SPTBN1: variants seen among roughly 807,000 people sequenced by gnomAD.
The protein encoded by SPTBN1 is spectrin beta, non-erythrocytic 1.
SPTBN1 carries 32 observed loss-of-function variants against 266.4 expected under a neutral mutation model. The ratio of observed to expected loss-of-function variants is 0.12; its 90% CI spans 0.09 to 0.16. SPTBN1 has a LOEUF of 0.16. Among genes scored for constraint, SPTBN1 ranks in the 10% least tolerant of loss-of-function variants. The pLI is 1.00. For synonymous variants in SPTBN1, 1,336 were observed against 1,162.2 expected, an observed-to-expected ratio of 1.15 and a Z score of -3.04; for missense variants, 2,296 against 3,067.1, an observed-to-expected ratio of 0.75 and a Z score of 5.94.
At chr2:54,522,970 T>C (rs1401094915) in intron 1 of SPTBN1, among the ~76,000 whole-genome samples, 1 of 152,168 alleles carries the variant, frequency 6.6e-6, no homozygotes, top group African/African-American at 2.4e-5. Context: ...GGATTAAATT[T>C]TACTTTCTGT....
At position 54,533,962 on chromosome 2, in the gene SPTBN1, T is replaced by G. The variant is rs1023625810; in HGVS notation, c.148+7396T>G. Among the ~76,000 whole-genome samples, 1 of 151,860 alleles carries G rather than the reference T, an allele frequency of 6.6e-6. No individual in the cohort carries two copies. Among genetic ancestry groups the G allele is most frequent in the Admixed American group, 6.6e-5 (1 of 15,246 alleles). On this transcript the variant is annotated intron_variant, in intron 2 of 35. Transcript: ENST00000356805. This position sits in a 1 kb window ranked among gnomAD's most constrained non-coding sequence, Gnocchi z 4.2. ...CACACAAACACACACACCCCAGTCATTTTAAGGGGTAGGGTCTAGTGACCT... is the reference window on the plus strand; with the variant it reads ...CACACAAACACACACACCCCAGTCAGTTTAAGGGGTAGGGTCTAGTGACCT...
intron 2 of SPTBN1, among the ~76,000 whole-genome samples, chr2:54,596,322 C>T (rs569080043): frequency 6.6e-6 from 1 of 152,342 alleles, no homozygotes; most frequent in East Asian, 1.9e-4. Context: ...AAGCCTGATC[C>T]TCTACTGAGC....
chr2:54,557,935 G>A (rs1672986753), intron 2 of SPTBN1: 1 of 985,280 alleles, frequency 1.0e-6, no homozygotes, highest in African/African-American at 1.7e-5. Flanking sequence ...CCAGCGCACT[G>A]GGGCAGTCGC....
At position 54,648,869 on chromosome 2, in the gene SPTBN1, C is replaced by A. The variant is rs372403316; in HGVS notation, c.4998-117C>A. 6.1e-4 allele frequency: 622 copies of A among 1,015,060 alleles called. 7 individuals carry two copies. The South Asian group carries it at 0.011, about 18-fold the overall frequency. 62.9% of individuals were successfully genotyped at this position (1,015,060 alleles called of 1,614,324 possible). On this transcript the variant is annotated intron_variant, in intron 24 of 35. Coordinates refer to ENST00000356805, the MANE Select transcript of SPTBN1 (RefSeq NM_003128.3). The stretch of plus-strand genomic sequence containing the variant: ...ATGCTAAGTGGGTTAACCAGAGTTT[C>A]CTTTGAGAAATATGATGTAATATGC...
At chr2:54,556,659 G>T (rs1158231320) in intron 2 of SPTBN1, among the ~76,000 whole-genome samples, 1 of 129,574 alleles carries the variant, frequency 7.7e-6, no homozygotes, top group East Asian at 2.2e-4. Context: ...AACTTCTCTT[G>T]TAGTCTTGAT....
In SPTBN1 at chr2:54,657,965, G is replaced by T. The variant is rs79870668; in HGVS notation, c.6162G>T (p.Lys2054Asn). 6.2e-7 allele frequency: 1 copy of T among 1,614,258 alleles called. No homozygotes were observed. The highest frequency in any genetic ancestry group is 1.3e-5 in the African/African-American group (1 of 75,060). ...GCCAGAGCGTGGACGAGGTGGAGAAGCTCATCAAGCGCCACGAGGCATTTG... is the reference window on the plus strand; with the variant it reads ...GCCAGAGCGTGGACGAGGTGGAGAATCTCATCAAGCGCCACGAGGCATTTG... ...EIGQSVDEVE[K>N]LIKRHEAFEK... Residue 2054 changes from lysine (K) to asparagine (N), a missense_variant, in exon 30 of 36, where the codon AAG becomes AAT. By Grantham distance (94) the Lys-to-Asn change is moderately conservative (BLOSUM62 0). Transcript: ENST00000356805.
chr2:54,668,314 T>C, intron 35 of SPTBN1, 37 bp from the exon 36 acceptor site: 1 of 1,604,780 alleles, frequency 6.2e-7, no homozygotes, highest in East Asian at 2.2e-5. Flanking sequence ...ATGCCTACTC[T>C]TAGTTGAGTC....
intron 28 of SPTBN1, 43 bp from the exon 29 acceptor site, chr2:54,655,871 T>G: frequency 6.8e-7 from 1 of 1,472,116 alleles, no homozygotes; most frequent in Non-Finnish European, 9.5e-7. Flanking sequence ...GAGGATGTGG[T>G]GCATTCCATT....
chr2:54,619,060 A>T (rs1056259505), intron 7 of SPTBN1, among the ~76,000 whole-genome samples: 1 of 152,238 alleles, frequency 6.6e-6, no homozygotes, highest in Admixed American at 6.5e-5. Context: ...AGATATATAG[A>T]TCCTCTCAGC....
At chr2:54,484,026 C>T (rs537420480) in intron 1 of SPTBN1, among the ~76,000 whole-genome samples, 7 of 152,094 alleles carry the variant, frequency 4.6e-5, no homozygotes, top group African/African-American at 1.7e-4. Flanking sequence ...GAAACTCTGT[C>T]TCTGCAAAAA....
chr2:54,569,601 G>T (rs1366617442), intron 2 of SPTBN1, among the ~76,000 whole-genome samples: 1 of 152,060 alleles, frequency 6.6e-6, no homozygotes, highest in African/African-American at 2.4e-5. Context: ...TTCATATGTG[G>T]TTATTTCTGT....
intron 2 of SPTBN1, among the ~76,000 whole-genome samples, chr2:54,593,442 C>T (rs1186117623): frequency 6.6e-6 from 1 of 152,118 alleles, no homozygotes; most frequent in Non-Finnish European, 1.5e-5. Context: ...ACTTTCCTCC[C>T]TGGACTGCCA....
chr2:54,660,273 A>G, intron 32 of SPTBN1: 2 of 1,301,756 alleles, frequency 1.5e-6, no homozygotes, highest in Non-Finnish European at 2.0e-6. Flanking sequence ...TTAAAGCAGC[A>G]TACTTATTTT....
rs1405703140 is a variant in SPTBN1 at position 54,649,732 on chromosome 2, G to A, written c.5320G>A (p.Ala1774Thr). The A allele has an allele frequency of 7.4e-6, 12 of 1,614,154 alleles. No homozygotes were observed. Among genetic ancestry groups the A allele is most frequent in the African/African-American group, 1.3e-5 (1 of 75,020 alleles). ...ELINSGHSDA[A>T]TIAEWKDGLN... ...CATCAACTCTGGACATTCAGATGCCGCCACCATCGCTGAATGGAAGGATGG... is the reference window on the plus strand; with the variant it reads ...CATCAACTCTGGACATTCAGATGCCACCACCATCGCTGAATGGAAGGATGG... Residue 1774 changes from alanine (A) to threonine (T), a missense_variant, in exon 26 of 36, where the codon GCC becomes ACC. Physicochemically the swap from Ala to Thr is moderately conservative, Grantham distance 58. Transcript: ENST00000356805. This position sits in a 1 kb window ranked among gnomAD's most constrained non-coding sequence, Gnocchi z 6.7.
At chr2:54,522,678 GGA>G (rs1553439420) in intron 1 of SPTBN1, among the ~76,000 whole-genome samples, 44 of 78,626 alleles carry the variant, frequency 5.6e-4, no homozygotes, top group Admixed American at 2.1e-3. Flanking sequence ...GAGAGAGAGA[GGA>G]GAGAGAGAGA....
chr2:54,599,823 G>A (rs1474453121), intron 3 of SPTBN1, among the ~76,000 whole-genome samples: 1 of 152,202 alleles, frequency 6.6e-6, no homozygotes, highest in Non-Finnish European at 1.5e-5. Context: ...AATGAAAATT[G>A]TATCCCCAAT....
chr2:54,655,769 C>G (rs144705066), intron 28 of SPTBN1, 145 bp from the exon 29 acceptor site: 2 of 591,678 alleles, frequency 3.4e-6, no homozygotes, highest in East Asian at 3.3e-5. Flanking sequence ...TCTCCCAGTC[C>G]TCAGACAGAC....
chr2:54,621,567 C>T, intron 8 of SPTBN1, 55 bp downstream of exon 8: 5 of 1,416,502 alleles, frequency 3.5e-6, no homozygotes, highest in Non-Finnish European at 4.0e-6. Flanking sequence ...TAATTGAGCC[C>T]TCATTCTCCC....
chr2:54,467,383 A>G (rs1693689409), intron 1 of SPTBN1, among the ~76,000 whole-genome samples: 2 of 152,198 alleles, frequency 1.3e-5, no homozygotes, highest in Non-Finnish European at 1.5e-5. Flanking sequence ...ACCTGTAAAC[A>G]TAGGAGTACT....
Sources: allele counts gnomAD v4.1 joint callset (sites outside exome capture counted in the v4.1 genomes callset), GRCh38; gene constraint gnomAD v4.1.1; non-coding constraint Gnocchi (gnomAD v3.1); transcripts MANE v1.5; gene names NCBI Gene and HGNC (gene_info 2026-07-23, HGNC 2026-07-21).